The following LGSN variants were observed in gnomAD, a reference collection of about 807,000 sequenced individuals.
LGSN encodes the protein lengsin, lens protein with glutamine synthetase domain.
LGSN carries 21 observed loss-of-function variants against 19.5 expected under a neutral mutation model. The observed-to-expected ratio is 1.07, with a 90% confidence interval of 0.76 to 1.55. The LOEUF is 1.55. LGSN is among the 40% of genes most tolerant of loss of function. The probability of loss-of-function intolerance (pLI) is 0.00; values close to 1 mark genes in which losing one functional copy is unlikely to be tolerated. For missense variants in LGSN, 673 were observed against 608.5 expected (o/e 1.11, Z -1.12); for synonymous variants, 257 against 215.6 (o/e 1.19, Z -1.68).
the LGSN span, among the ~76,000 whole-genome samples, chr6:63,531,702 G>A: frequency 5.9e-5 from 9 of 152,042 alleles, no homozygotes; most frequent in African/African-American, 2.2e-4. Flanking sequence ...ATGTTGCCCA[G>A]GCTGGTCTTA....
chr6:63,535,433 A>T, the LGSN span, among the ~76,000 whole-genome samples: 1 of 152,146 alleles, frequency 6.6e-6, no homozygotes, highest in East Asian at 1.9e-4. Flanking sequence ...GCACCACTGC[A>T]CTCCAGCCTA....
At chr6:63,412,033 A>G in the LGSN span, among the ~76,000 whole-genome samples, 1 of 152,108 alleles carries the variant, frequency 6.6e-6, no homozygotes, top group Non-Finnish European at 1.5e-5. Context: ...AAAGAGAAAA[A>G]CTTAAAATAG....
chr6:63,454,995 G>A, the LGSN span, among the ~76,000 whole-genome samples: 7 of 149,942 alleles, frequency 4.7e-5, no homozygotes, highest in Non-Finnish European at 8.9e-5. Flanking sequence ...GTTTCACCAC[G>A]TTGGCCAGGC....
At chr6:63,495,051 T>C in the LGSN span, among the ~76,000 whole-genome samples, 1 of 152,146 alleles carries the variant, frequency 6.6e-6, no homozygotes, top group African/African-American at 2.4e-5. Flanking sequence ...ACCTATATAA[T>C]AACACATTTA....
chr6:63,366,540 A>G, the LGSN span, among the ~76,000 whole-genome samples: 1 of 152,342 alleles, frequency 6.6e-6, no homozygotes, highest in Non-Finnish European at 1.5e-5. Context: ...TTTCAATGCC[A>G]TCCCCATCAA....
chr6:63,544,511 T>C, the LGSN span, among the ~76,000 whole-genome samples: 1 of 152,142 alleles, frequency 6.6e-6, no homozygotes, highest in Non-Finnish European at 1.5e-5. Flanking sequence ...TCATCTACAC[T>C]AGCTAGAATT....
the LGSN span, among the ~76,000 whole-genome samples, chr6:63,520,996 CACCGCATGG>C: frequency 6.6e-6 from 1 of 152,044 alleles, no homozygotes; most frequent in East Asian, 1.9e-4. Flanking sequence ...GGAAACCAAA[CACCGCATGG>C]TCTCACTCAT....
At chr6:63,522,729 T>C in the LGSN span, among the ~76,000 whole-genome samples, 1 of 152,192 alleles carries the variant, frequency 6.6e-6, no homozygotes, top group Non-Finnish European at 1.5e-5. Context: ...TGATACTCTT[T>C]CAACAATAGG....
At chr6:63,520,149 C>A in the LGSN span, among the ~76,000 whole-genome samples, 1 of 152,184 alleles carries the variant, frequency 6.6e-6, no homozygotes, top group South Asian at 2.1e-4. Flanking sequence ...TGCATTGATA[C>A]TTTTCTCTCC....
intron 1 of LGSN, among the ~76,000 whole-genome samples, chr6:63,310,600 G>A (rs1287666833): frequency 1.3e-5 from 2 of 152,078 alleles, no homozygotes; most frequent in Non-Finnish European, 2.9e-5. Context: ...CTCTATCAAG[G>A]TTAATATACT....
At chr6:63,313,140 AAAAT>A (rs891493881) in intron 1 of LGSN, among the ~76,000 whole-genome samples, 5 of 152,208 alleles carry the variant, frequency 3.3e-5, no homozygotes, top group African/African-American at 7.2e-5. Flanking sequence ...GTGCACAGTA[AAAAT>A]AAATAAATAA....
the LGSN span, among the ~76,000 whole-genome samples, chr6:63,353,615 T>G: frequency 0.018 from 1,998 of 110,830 alleles, 17 homozygotes; most frequent in Middle Eastern, 0.035. Context: ...AAAGAAAAAA[T>G]AATGTTTTTC....
At chr6:63,525,380 G>T in the LGSN span, among the ~76,000 whole-genome samples, 1 of 152,164 alleles carries the variant, frequency 6.6e-6, no homozygotes, top group African/African-American at 2.4e-5. Flanking sequence ...GAGAACAGAC[G>T]GGAGGAAGGA....
the LGSN span, chr6:63,481,741 G>A: frequency 1.3e-5 from 3 of 231,356 alleles, no homozygotes; most frequent in Non-Finnish European, 2.6e-5. Flanking sequence ...CTCTCAACTA[G>A]TTACAGTGGG....
chr6:63,565,447 T>TA, the LGSN span, among the ~76,000 whole-genome samples: 2 of 149,140 alleles, frequency 1.3e-5, no homozygotes, highest in Admixed American at 6.7e-5. Flanking sequence ...AAATAGACTT[T>TA]AAAAAAAAAA....
chr6:63,539,472 T>C, the LGSN span, among the ~76,000 whole-genome samples: 1 of 152,034 alleles, frequency 6.6e-6, no homozygotes, highest in African/African-American at 2.4e-5. Context: ...GAACAGGAAA[T>C]CTAAAAGAAA....
chr6:63,396,656 G>T, the LGSN span: 1 of 153,288 alleles, frequency 6.5e-6, no homozygotes, highest in South Asian at 1.9e-4. Context: ...CTTCCAGCTG[G>T]AGTCTCTTGC....
chr6:63,412,541 A>G, the LGSN span, among the ~76,000 whole-genome samples: 195 of 129,276 alleles, frequency 1.5e-3, 2 homozygotes, highest in African/African-American at 4.8e-3. Flanking sequence ...AAAGAAAGAA[A>G]GAAAGAAAGA....
chr6:63,366,606 A>G, the LGSN span, among the ~76,000 whole-genome samples: 4 of 152,152 alleles, frequency 2.6e-5, no homozygotes, highest in Non-Finnish European at 5.9e-5. Context: ...GTTCATATGG[A>G]ACCAAAAAAG....
Sources: allele counts gnomAD v4.1 joint callset (sites outside exome capture counted in the v4.1 genomes callset), GRCh38; gene constraint gnomAD v4.1.1; transcripts MANE v1.5; gene names NCBI Gene and HGNC (gene_info 2026-07-23, HGNC 2026-07-21).